The following PKP4 variants were observed in gnomAD, a reference collection of about 807,000 sequenced individuals.
PKP4 encodes the protein plakophilin-4.
Under a neutral mutation model 145.1 loss-of-function variants are expected in PKP4, and 90 were observed. The observed-to-expected ratio is 0.62, with a 90% CI of 0.52 to 0.74. The LOEUF is 0.74. Ranked by LOEUF, PKP4 falls within the 30% of genes least tolerant of loss-of-function variation. PKP4 has a pLI of 0.00. For synonymous variants in PKP4, 563 were observed against 577.2 expected, an observed-to-expected ratio of 0.98 and a Z score of 0.35; for missense variants, 1,340 against 1,482.7, an observed-to-expected ratio of 0.90 and a Z score of 1.58.
chr2:158,530,088 A>G (rs1276557927), intron 1 of PKP4, among the ~76,000 whole-genome samples: 1 of 152,204 alleles, frequency 6.6e-6, no homozygotes, highest in African/African-American at 2.4e-5. Flanking sequence ...GACTTCTAAT[A>G]TCATACACGC....
intron 4 of PKP4, among the ~76,000 whole-genome samples, chr2:158,617,826 T>G (rs560315949): frequency 1.2e-4 from 18 of 152,368 alleles, no homozygotes; most frequent in Admixed American, 1.2e-3. Flanking sequence ...AGAATAGATT[T>G]CAGGATACTT....
Position 158,680,548 on chromosome 2 carries a change from T to C in PKP4, c.3450T>C (p.Phe1150=), listed in dbSNP as rs1248495165. ...EDPYFDDRVH[F]PASTDYSTQY... is the part of the protein sequence containing the mutation. ...CTTATTTTGATGACCGAGTTCACTT[T>C]CCAGCTTCTACTGATTACTCAACAC... Residue 1150 remains phenylalanine, a synonymous_variant, in exon 22 of 22, where the codon TTT becomes TTC. Transcript: ENST00000389759. 3 of 1,614,154 alleles carry C rather than the reference T, an allele frequency of 1.9e-6. No individual in the cohort carries two copies. Among genetic ancestry groups the C allele is most frequent in the African/African-American group, 1.3e-5 (1 of 75,060 alleles).
chr2:158,475,882 CTG>C (rs1692393352), intron 1 of PKP4, among the ~76,000 whole-genome samples: 1 of 152,188 alleles, frequency 6.6e-6, no homozygotes, highest in South Asian at 2.1e-4. Flanking sequence ...CCAATACAGA[CTG>C]TTATGATTCA....
intron 1 of PKP4, among the ~76,000 whole-genome samples, chr2:158,470,778 T>A (rs929681007): frequency 2.0e-5 from 3 of 152,098 alleles, no homozygotes; most frequent in Non-Finnish European, 2.9e-5. Flanking sequence ...AGTCAGGTGG[T>A]GAATTCATAC....
intron 3 of PKP4, among the ~76,000 whole-genome samples, chr2:158,579,444 T>TAAA (rs57964242): frequency 7.3e-6 from 1 of 136,780 alleles, no homozygotes; most frequent in African/African-American, 2.7e-5. Flanking sequence ...TCTGATTTTG[T>TAAA]AAAAAAAAAA....
At chr2:158,461,397 T>C (rs558207552) in intron 1 of PKP4, among the ~76,000 whole-genome samples, 8 of 152,330 alleles carry the variant, frequency 5.3e-5, no homozygotes, top group African/African-American at 1.9e-4. Context: ...TTATTCATAG[T>C]CTTGATAACA....
intron 1 of PKP4, among the ~76,000 whole-genome samples, chr2:158,509,805 G>A (rs1335153719): frequency 6.6e-6 from 1 of 152,152 alleles, no homozygotes; most frequent in African/African-American, 2.4e-5. Context: ...AAATTAGCCA[G>A]GCGTGGTGGC....
intron 1 of PKP4, among the ~76,000 whole-genome samples, chr2:158,487,447 T>A (rs2105453356): frequency 6.6e-6 from 1 of 152,278 alleles, no homozygotes; most frequent in East Asian, 1.9e-4. Flanking sequence ...AGTAATTCAG[T>A]CAGAATCCAA....
chr2:158,589,888 G>A (rs1185771710), intron 3 of PKP4, among the ~76,000 whole-genome samples: 1 of 152,072 alleles, frequency 6.6e-6, no homozygotes, highest in Non-Finnish European at 1.5e-5. Flanking sequence ...AAAGGAAACT[G>A]AAAATGTGAT....
intron 4 of PKP4, among the ~76,000 whole-genome samples, chr2:158,618,891 C>A (rs2051915986): frequency 6.6e-6 from 1 of 152,070 alleles, no homozygotes; most frequent in South Asian, 2.1e-4. Context: ...TATTGGTGTC[C>A]TAGATTTTAC....
chr2:158,561,241 A>G (rs985748708), intron 2 of PKP4, among the ~76,000 whole-genome samples: 2 of 152,190 alleles, frequency 1.3e-5, no homozygotes, highest in Non-Finnish European at 2.9e-5. Flanking sequence ...GACCTGTGCT[A>G]TGGTCCACAA....
chr2:158,497,133 T>C (rs1261087431), intron 1 of PKP4, among the ~76,000 whole-genome samples: 2 of 152,138 alleles, frequency 1.3e-5, no homozygotes, highest in African/African-American at 4.8e-5. Flanking sequence ...AGGCTATCCA[T>C]TGGACAGTGC....
chr2:158,481,821 C>T (rs910766475), intron 1 of PKP4, among the ~76,000 whole-genome samples: 5 of 152,082 alleles, frequency 3.3e-5, no homozygotes, highest in Admixed American at 6.5e-5. Flanking sequence ...GTAAAATGTA[C>T]GTGGAGAGTT....
intron 2 of PKP4, among the ~76,000 whole-genome samples, chr2:158,570,504 GA>G (rs2047330186): frequency 1.3e-5 from 2 of 152,170 alleles, no homozygotes; most frequent in South Asian, 4.1e-4. Context: ...GCAGAAAGTA[GA>G]TTTTTTTGAA....
chr2:158,483,657 G>A (rs900760543), intron 1 of PKP4, among the ~76,000 whole-genome samples: 10 of 151,828 alleles, frequency 6.6e-5, no homozygotes, highest in African/African-American at 2.2e-4. Context: ...TTTTTTTAAT[G>A]CCATTTTGAA....
chr2:158,533,379 T>C, intron 2 of PKP4, 63 bp downstream of exon 2: 4 of 1,571,960 alleles, frequency 2.5e-6, no homozygotes, highest in South Asian at 1.1e-5. Context: ...AAATTAATCT[T>C]TGGATATGTT....
intron 3 of PKP4, among the ~76,000 whole-genome samples, chr2:158,581,211 G>A (rs752008360): frequency 2.6e-5 from 4 of 152,116 alleles, no homozygotes; most frequent in African/African-American, 4.8e-5. Flanking sequence ...CCCCTTTCCG[G>A]TATGCCATTT....
chr2:158,497,458 A>G (rs916585428), intron 1 of PKP4, among the ~76,000 whole-genome samples: 2 of 152,104 alleles, frequency 1.3e-5, no homozygotes, highest in Non-Finnish European at 2.9e-5. Flanking sequence ...CACAGAGAAA[A>G]TAGATACTGA....
At chr2:158,485,429 C>T (rs1179810215) in intron 1 of PKP4, among the ~76,000 whole-genome samples, 4 of 152,194 alleles carry the variant, frequency 2.6e-5, no homozygotes, top group Non-Finnish European at 4.4e-5. Context: ...ACGTTACTAT[C>T]TGAGATGAGA....
Sources: allele counts gnomAD v4.1 joint callset (sites outside exome capture counted in the v4.1 genomes callset), GRCh38; gene constraint gnomAD v4.1.1; transcripts MANE v1.5; gene names NCBI Gene and HGNC (gene_info 2026-07-23, HGNC 2026-07-21).